Variants in PRKN observed in about 807,000 individuals in gnomAD.
PRKN encodes the protein parkin RBR E3 ubiquitin protein ligase, also known as E3 ubiquitin-protein ligase parkin.
PRKN carries 56 observed loss-of-function variants against 59.5 expected under a neutral mutation model. The ratio of observed to expected loss-of-function variants is 0.94; its 90% CI spans 0.76 to 1.18. The LOEUF (loss-of-function observed/expected upper bound fraction) is 1.18, where lower values mean the gene tolerates loss of function less well. PRKN is among the 50% of genes most tolerant of loss of function. The pLI, the probability that PRKN is intolerant of heterozygous loss-of-function variation, is 0.00. For missense variants in PRKN, 657 were observed against 596.4 expected (o/e 1.10, Z -1.06); for synonymous variants, 250 against 222.1 (o/e 1.13, Z -1.12).
rs527783743 is a variant in PRKN, at chr6:161,475,948, A to G, written c.1083+72906T>C. Among the ~76,000 whole-genome samples, 1 of 152,162 alleles carries G rather than the reference A, an allele frequency of 6.6e-6. No homozygotes were observed. The highest frequency in any genetic ancestry group is 2.4e-5 in the African/African-American group (1 of 41,538). On this transcript the variant is annotated intron_variant, in intron 9 of 11. Coordinates refer to ENST00000366898, the MANE Select transcript of PRKN (RefSeq NM_004562.3). The surrounding 1 kb of genome is among the most constrained non-coding windows in gnomAD (Gnocchi z 5.3). Reference sequence around the variant, plus strand: ...ACGCCTGTAATCCCAGCATTTTGGGAGGCCAAGGTGGGCGGATCACGAGGT... The same window carrying G: ...ACGCCTGTAATCCCAGCATTTTGGGGGGCCAAGGTGGGCGGATCACGAGGT...
At position 161,356,121 on chromosome 6, in the gene PRKN, A is replaced by G. The variant is rs565767566; in HGVS notation, c.1285+3967T>C. ...GGACATGAGCTCTCCGGGGAAGGGG[A>G]GGGAGCCAGAACTAATTGTCTTGGC... On this transcript the variant is annotated intron_variant, in intron 11 of 11. Transcript: ENST00000366898. The surrounding 1 kb of genome is among the most constrained non-coding windows in gnomAD (Gnocchi z 7.8). 1.6e-3 allele frequency among the ~76,000 whole-genome samples: 248 copies of G among 152,314 alleles called. 1 individual carries two copies. Among genetic ancestry groups the G allele is most frequent in the African/African-American group, 5.8e-3 (243 of 41,576 alleles).
chr6:161,505,856 G>A (rs1460360580), intron 9 of PRKN, among the ~76,000 whole-genome samples: 1 of 146,002 alleles, frequency 6.8e-6, no homozygotes, highest in Non-Finnish European at 1.5e-5. Flanking sequence ...CATTATTTCT[G>A]AGGGCTCTGT....
At chr6:162,509,366 C>T (rs1793749117) in intron 1 of PRKN, among the ~76,000 whole-genome samples, 1 of 152,120 alleles carries the variant, frequency 6.6e-6, no homozygotes, top group Non-Finnish European at 1.5e-5. Context: ...TTCTTACAGG[C>T]AATCCAGTAT....
chr6:162,151,955 C>CA lies in PRKN; in HGVS notation c.534+49175dup, dbSNP rs536954256. Among the ~76,000 whole-genome samples, 623 of 151,706 alleles carry CA rather than the reference C, an allele frequency of 4.1e-3. 4 individuals carry two copies. Among genetic ancestry groups the CA allele is most frequent in the Middle Eastern group, 0.014 (4 of 294 alleles). ...AGTGCTTGTGAAAAACATTATTTAG[C>CA]AAAAAAAATCAAATAATTATAATGC... On this transcript the variant is annotated intron_variant, in intron 4 of 11. Coordinates refer to ENST00000366898, the MANE Select transcript of PRKN (RefSeq NM_004562.3).
chr6:162,017,176 T>C (rs1297389823), intron 5 of PRKN, among the ~76,000 whole-genome samples: 1 of 152,186 alleles, frequency 6.6e-6, no homozygotes, highest in Non-Finnish European at 1.5e-5. Flanking sequence ...AGAACTTCCA[T>C]AGGGAGATAT....
At chr6:161,786,643 A>C (rs887350994) in intron 6 of PRKN, among the ~76,000 whole-genome samples, 2 of 152,134 alleles carry the variant, frequency 1.3e-5, no homozygotes, top group Non-Finnish European at 2.9e-5. Context: ...ATAACAATAG[A>C]ATCTGAATTT....
chr6:162,171,263 T>C (rs753524542), intron 4 of PRKN, among the ~76,000 whole-genome samples: 1 of 152,024 alleles, frequency 6.6e-6, no homozygotes, highest in Non-Finnish European at 1.5e-5. Context: ...AAGAAATAGG[T>C]GAAACAGGCT....
rs1301817938 is a variant in PRKN, at chr6:161,458,333, G to C, written c.1084-71456C>G. 1.3e-5 allele frequency among the ~76,000 whole-genome samples: 2 copies of C among 152,112 alleles called. No individual in the cohort carries two copies. Among genetic ancestry groups the C allele is most frequent in the African/African-American group, 4.8e-5 (2 of 41,412 alleles). On this transcript the variant is annotated intron_variant, in intron 9 of 11. Coordinates refer to ENST00000366898, the MANE Select transcript of PRKN (RefSeq NM_004562.3). This position sits in a 1 kb window ranked among gnomAD's most constrained non-coding sequence, Gnocchi z 6.1. ...ATTATTAAGTAGGGGGAATTGTGAA[G>C]CACTTTCATCCAGCATCTCGGGTGC...
rs970852988 is a variant in PRKN at position 162,547,683 on chromosome 6, C to T, written c.8-104210G>A. Reference sequence around the variant, plus strand: ...GCAACCTCTGCCTCCTGGGTTCAGGCGATTCTCCTGCCTCAGCCTCCCAAG... The same window carrying T: ...GCAACCTCTGCCTCCTGGGTTCAGGTGATTCTCCTGCCTCAGCCTCCCAAG... On this transcript the variant is annotated intron_variant, in intron 1 of 11. Coordinates refer to ENST00000366898, the MANE Select transcript of PRKN (RefSeq NM_004562.3). 5.3e-5 allele frequency among the ~76,000 whole-genome samples: 8 copies of T among 151,978 alleles called. No homozygotes were observed. In the East Asian group the frequency reaches 9.7e-4, roughly 18 times the overall value.
rs373295914 is a variant in PRKN at position 161,752,501 on chromosome 6, TGA to T, written c.871+33269_871+33270del. Among the ~76,000 whole-genome samples, 114 of 152,144 alleles carry T rather than the reference TGA, an allele frequency of 7.5e-4. 4 individuals are homozygous for T. The South Asian group carries it at 0.023, about 31-fold the overall frequency. The stretch of plus-strand genomic sequence containing the variant: ...CTGAGCCCAAAAGTTCAAGACCAGC[TGA>T]GGCAATATGGGGAAACCCCGTCTGC... On this transcript the variant is annotated intron_variant, in intron 7 of 11. Transcript: ENST00000366898.
intron 1 of PRKN, among the ~76,000 whole-genome samples, chr6:162,682,917 T>C (rs892614601): frequency 2.6e-5 from 4 of 152,116 alleles, no homozygotes; most frequent in Non-Finnish European, 4.4e-5. Flanking sequence ...TACAGAACTA[T>C]ACAAATAAGG....
At chr6:162,109,417 G>T (rs745904763) in intron 4 of PRKN, among the ~76,000 whole-genome samples, 3 of 152,202 alleles carry the variant, frequency 2.0e-5, no homozygotes, top group Admixed American at 6.5e-5. Flanking sequence ...TGCATGTGCA[G>T]AAATTCAGGA....
intron 1 of PRKN, among the ~76,000 whole-genome samples, chr6:162,706,252 G>A (rs1250300756): frequency 1.3e-5 from 2 of 151,922 alleles, no homozygotes; most frequent in African/African-American, 4.8e-5. Flanking sequence ...ATTAGAAATA[G>A]AAGAAACAGA....
At chr6:161,987,812 A>G (rs1274045637) in intron 5 of PRKN, among the ~76,000 whole-genome samples, 1 of 152,220 alleles carries the variant, frequency 6.6e-6, no homozygotes, top group Non-Finnish European at 1.5e-5. Context: ...TAAGGACACC[A>G]TTAAAGTTAT....
At chr6:162,339,467 A>G (rs1784054158) in intron 2 of PRKN, among the ~76,000 whole-genome samples, 1 of 139,240 alleles carries the variant, frequency 7.2e-6, no homozygotes, top group Non-Finnish European at 1.6e-5. Flanking sequence ...CCTACTGGGA[A>G]GTGAGGAGCC....
chr6:161,371,535 C>T lies in PRKN; in HGVS notation c.1168-11330G>A, dbSNP rs951050867. Among the ~76,000 whole-genome samples the T allele has an allele frequency of 6.6e-6, 1 of 151,966 alleles. No homozygotes were observed. The highest frequency in any genetic ancestry group is 1.5e-5 in the Non-Finnish European group (1 of 67,994). ...TAATGGGGTGTCTAGCCAAGGGCTC[C>T]GGGGAATACAAGGCTACACTGTAAG... On this transcript the variant is annotated intron_variant, in intron 10 of 11. Transcript: ENST00000366898. This position sits in a 1 kb window ranked among gnomAD's most constrained non-coding sequence, Gnocchi z 5.5.
intron 7 of PRKN, among the ~76,000 whole-genome samples, chr6:161,638,054 C>T (rs890006257): frequency 6.6e-6 from 1 of 152,116 alleles, no homozygotes; most frequent in African/African-American, 2.4e-5. Context: ...CAAGGACAAA[C>T]AATGCCTCCC....
chr6:162,152,937 A>G (rs1293793301), intron 4 of PRKN, among the ~76,000 whole-genome samples: 1 of 152,220 alleles, frequency 6.6e-6, no homozygotes, highest in Admixed American at 6.5e-5. Context: ...AATGTGTTCC[A>G]CAAAAAAGCA....
intron 5 of PRKN, among the ~76,000 whole-genome samples, chr6:161,995,397 T>C (rs112895694): frequency 2.0e-5 from 3 of 152,106 alleles, no homozygotes; most frequent in South Asian, 2.1e-4. Flanking sequence ...GCACAGGCAA[T>C]AAAAAGTACA....
Sources: allele counts gnomAD v4.1 joint callset (sites outside exome capture counted in the v4.1 genomes callset), GRCh38; gene constraint gnomAD v4.1.1; non-coding constraint Gnocchi (gnomAD v3.1); transcripts MANE v1.5; gene names NCBI Gene and HGNC (gene_info 2026-07-23, HGNC 2026-07-21).